LGSN: variants seen among roughly 807,000 people sequenced by gnomAD.
The protein encoded by LGSN is lengsin, lens protein with glutamine synthetase domain.
LGSN carries 21 observed loss-of-function variants against 19.5 expected under a neutral mutation model. The observed-to-expected ratio is 1.07, with a 90% CI of 0.76 to 1.55. The LOEUF (loss-of-function observed/expected upper bound fraction) is 1.55. Ranked by LOEUF, LGSN falls within the 40% of genes most tolerant of loss-of-function variation. The pLI is 0.00. For missense variants in LGSN, 673 were observed against 608.5 expected, an observed-to-expected ratio of 1.11 and a Z score of -1.12; for synonymous variants, 257 against 215.6, an observed-to-expected ratio of 1.19 and a Z score of -1.68.
the LGSN span, among the ~76,000 whole-genome samples, chr6:63,381,970 T>C: frequency 6.6e-6 from 1 of 152,186 alleles, no homozygotes; most frequent in African/African-American, 2.4e-5. Flanking sequence ...TCTTAAACAC[T>C]ATATCACATT....
upstream of LGSN, among the ~76,000 whole-genome samples, chr6:63,324,708 T>C (rs988293687): frequency 6.6e-6 from 1 of 151,858 alleles, no homozygotes; most frequent in African/African-American, 2.4e-5. Context: ...AAAAAAAAAT[T>C]TTTTGGAAAC....
At chr6:63,301,562 A>G (rs935893592) in intron 1 of LGSN, among the ~76,000 whole-genome samples, 21 of 152,164 alleles carry the variant, frequency 1.4e-4, no homozygotes, top group Non-Finnish European at 2.8e-4. Context: ...TTGAAGGTGA[A>G]TGTATTTGTT....
At chr6:63,303,819 C>G (rs1380496224) in intron 1 of LGSN, among the ~76,000 whole-genome samples, 1 of 152,100 alleles carries the variant, frequency 6.6e-6, no homozygotes, top group Non-Finnish European at 1.5e-5. Context: ...AATACTGGGA[C>G]CTTGAACCTT....
At chr6:63,347,229 C>T in the LGSN span, among the ~76,000 whole-genome samples, 1 of 152,088 alleles carries the variant, frequency 6.6e-6, no homozygotes, top group Non-Finnish European at 1.5e-5. Context: ...ATTCATGGGG[C>T]AAATCTTACT....
At chr6:63,492,111 T>C in the LGSN span, among the ~76,000 whole-genome samples, 1 of 152,186 alleles carries the variant, frequency 6.6e-6, no homozygotes, top group Non-Finnish European at 1.5e-5. Context: ...TTTTCACAAC[T>C]TTTTCCTTCT....
the LGSN span, among the ~76,000 whole-genome samples, chr6:63,477,918 AT>A: frequency 9.9e-5 from 15 of 151,552 alleles, no homozygotes; most frequent in African/African-American, 3.4e-4. Context: ...GGTTTCATCA[AT>A]AAAATTTTCC....
chr6:63,399,980 T>A, the LGSN span, among the ~76,000 whole-genome samples: 3 of 152,138 alleles, frequency 2.0e-5, no homozygotes, highest in Non-Finnish European at 4.4e-5. Flanking sequence ...ACTAAATTAG[T>A]TTTTAGGATT....
chr6:63,550,033 T>C, the LGSN span, among the ~76,000 whole-genome samples: 1 of 152,240 alleles, frequency 6.6e-6, no homozygotes, highest in Admixed American at 6.5e-5. Flanking sequence ...AATTAATCAC[T>C]ATATGTTATA....
chr6:63,324,874 G>T (rs186530562), upstream of LGSN, among the ~76,000 whole-genome samples: 1 of 151,074 alleles, frequency 6.6e-6, no homozygotes, highest in Non-Finnish European at 1.5e-5. Context: ...CTGGGAGGCC[G>T]AGGCGGTCAC....
At chr6:63,377,617 G>T in the LGSN span, among the ~76,000 whole-genome samples, 1 of 151,988 alleles carries the variant, frequency 6.6e-6, no homozygotes. Flanking sequence ...GAGAAGAAAA[G>T]AGTTAGACAC....
the LGSN span, among the ~76,000 whole-genome samples, chr6:63,434,177 G>A: frequency 1.1e-4 from 17 of 152,130 alleles, no homozygotes; most frequent in African/African-American, 1.9e-4. Flanking sequence ...AGTGGCTCAC[G>A]TCTGTAATCC....
the LGSN span, among the ~76,000 whole-genome samples, chr6:63,345,659 A>G: frequency 6.6e-6 from 1 of 152,202 alleles, no homozygotes; most frequent in Admixed American, 6.5e-5. Flanking sequence ...TTAGGTGGTC[A>G]TGCCCCTCAC....
At chr6:63,504,181 CA>C in the LGSN span, among the ~76,000 whole-genome samples, 1 of 151,558 alleles carries the variant, frequency 6.6e-6, no homozygotes, top group African/African-American at 2.4e-5. Context: ...TCTTGTCACT[CA>C]GGCTGGAGTG....
chr6:63,487,197 T>C, the LGSN span, among the ~76,000 whole-genome samples: 149 of 152,202 alleles, frequency 9.8e-4, 1 homozygote, highest in African/African-American at 3.3e-3. Flanking sequence ...CTCGAACTCC[T>C]GGGCTCAAGC....
At chr6:63,400,216 G>A in the LGSN span, among the ~76,000 whole-genome samples, 1 of 152,180 alleles carries the variant, frequency 6.6e-6, no homozygotes, top group Admixed American at 6.5e-5. Context: ...TCACTAAAGA[G>A]AGCCTCAACT....
the LGSN span, chr6:63,481,802 A>G: frequency 2.6e-5 from 8 of 312,214 alleles, no homozygotes; most frequent in South Asian, 2.1e-4. Flanking sequence ...TAAAGTTGGA[A>G]CAGATATGCG....
the LGSN span, among the ~76,000 whole-genome samples, chr6:63,351,705 A>G: frequency 1.3e-5 from 2 of 151,952 alleles, no homozygotes; most frequent in African/African-American, 4.8e-5. Context: ...TGAACCACCC[A>G]CCTCGGCCTC....
chr6:63,527,203 T>C, the LGSN span, among the ~76,000 whole-genome samples: 1 of 152,188 alleles, frequency 6.6e-6, no homozygotes, highest in Non-Finnish European at 1.5e-5. Context: ...TAGTCTGCTT[T>C]GAAGTGCTAT....
At chr6:63,328,013 G>A in the LGSN span, among the ~76,000 whole-genome samples, 14 of 152,248 alleles carry the variant, frequency 9.2e-5, no homozygotes, top group Admixed American at 3.3e-4. Context: ...TTTCCATATC[G>A]CAGCATGGGC....
Sources: allele counts gnomAD v4.1 joint callset (sites outside exome capture counted in the v4.1 genomes callset), GRCh38; gene constraint gnomAD v4.1.1; transcripts MANE v1.5; gene names NCBI Gene and HGNC (gene_info 2026-07-23, HGNC 2026-07-21).